The following RIMS2 variants were observed in gnomAD, a reference collection of about 807,000 sequenced individuals.
RIMS2 encodes the protein regulating synaptic membrane exocytosis protein 2.
A neutral mutation model predicts 174.4 loss-of-function variants in RIMS2; 59 were observed. The ratio of observed to expected loss-of-function variants is 0.34; its 90% CI spans 0.27 to 0.42. The LOEUF is 0.42. Ranked by LOEUF, RIMS2 falls within the 10% of genes least tolerant of loss-of-function variation. The pLI, the probability that RIMS2 is intolerant of heterozygous loss-of-function variation, is 1.00. For synonymous variants in RIMS2, 606 were observed against 572.5 expected, an observed-to-expected ratio of 1.06 and a Z score of -0.84; for missense variants, 1,620 against 1,666.3, an observed-to-expected ratio of 0.97 and a Z score of 0.48.
rs546690308 is a variant in RIMS2 at position 104,245,144 on chromosome 8, T to C, written c.3476+87T>C. On this transcript the variant is annotated intron_variant, in intron 20 of 23. Coordinates refer to ENST00000504942, the Ensembl canonical transcript of RIMS2. The stretch of plus-strand genomic sequence containing the variant: ...TTTCACAGAGATTTTCCAACTCTCA[T>C]GCTCTTCAGAACCACTTTAATTTTC... 1.4e-5 allele frequency: 19 copies of C among 1,357,848 alleles called. No homozygotes were observed. The African/African-American group carries it at 2.2e-4, about 15-fold the overall frequency. 84.1% of individuals were successfully genotyped at this position (1,357,848 alleles called of 1,614,324 possible).
At chr8:103,832,168 T>G (rs1026716664) in intron 3 of RIMS2, among the ~76,000 whole-genome samples, 5 of 152,242 alleles carry the variant, frequency 3.3e-5, no homozygotes, top group African/African-American at 4.8e-5. Flanking sequence ...TAATATAAAA[T>G]GTATCTTTTA....
In RIMS2 at chr8:103,749,279, C is replaced by T. The variant is rs558743955; in HGVS notation, c.388-16948C>T. ...GGCATCCGCCAGCACGCCCGGCTAA[C>T]TTTTTTGTATTTTTAGTAGAAACGG... On this transcript the variant is annotated intron_variant, in intron 2 of 23. Coordinates refer to ENST00000504942, the Ensembl canonical transcript of RIMS2. 6.2e-3 allele frequency among the ~76,000 whole-genome samples: 938 copies of T among 151,272 alleles called. 18 individuals are homozygous for T. Among genetic ancestry groups the T allele is most frequent in the African/African-American group, 0.022 (889 of 41,182 alleles).
intron 19 of RIMS2, among the ~76,000 whole-genome samples, chr8:104,229,411 A>G (rs1377280829): frequency 1.3e-5 from 2 of 152,202 alleles, no homozygotes; most frequent in African/African-American, 4.8e-5. Flanking sequence ...CAAAAATGAT[A>G]GTATCATTCT....
chr8:104,158,193 C>A (rs527819852), intron 19 of RIMS2, among the ~76,000 whole-genome samples: 1 of 152,214 alleles, frequency 6.6e-6, no homozygotes, highest in East Asian at 1.9e-4. Context: ...TGATGGTTTC[C>A]AGCTTCATCC....
intron 19 of RIMS2, among the ~76,000 whole-genome samples, chr8:104,118,085 G>A (rs1335955997): frequency 6.6e-6 from 1 of 151,996 alleles, no homozygotes; most frequent in Non-Finnish European, 1.5e-5. Flanking sequence ...TTATGAGAAG[G>A]GAGTAAAAAT....
At chr8:103,839,469 C>T (rs2098926658) in intron 3 of RIMS2, among the ~76,000 whole-genome samples, 1 of 151,952 alleles carries the variant, frequency 6.6e-6, no homozygotes, top group African/African-American at 2.4e-5. Flanking sequence ...TGTCATAGGG[C>T]ACAGCCCTTA....
chr8:103,579,708 A>G (rs534971584), intron 1 of RIMS2, among the ~76,000 whole-genome samples: 7 of 152,240 alleles, frequency 4.6e-5, no homozygotes, highest in African/African-American at 1.7e-4. Context: ...ATATAATACC[A>G]GAAGCGTTGC....
chr8:103,546,046 T>A (rs1441874180), intron 1 of RIMS2, among the ~76,000 whole-genome samples: 1 of 152,040 alleles, frequency 6.6e-6, no homozygotes, highest in African/African-American at 2.4e-5. Context: ...TAACCTGGAA[T>A]GTAAACAAGC....
At chr8:104,238,060 C>T (rs1289682616) in intron 19 of RIMS2, among the ~76,000 whole-genome samples, 2 of 152,070 alleles carry the variant, frequency 1.3e-5, no homozygotes, top group African/African-American at 2.4e-5. Flanking sequence ...AAATGCCCGT[C>T]AATGATAGAC....
At chr8:103,704,834 A>G (rs2097206429) in intron 2 of RIMS2, among the ~76,000 whole-genome samples, 1 of 151,350 alleles carries the variant, frequency 6.6e-6, no homozygotes, top group African/African-American at 2.4e-5. Context: ...TTTATCTCTG[A>G]TTTTATTTAT....
chr8:103,881,766 G>A (rs118060622), intron 3 of RIMS2, among the ~76,000 whole-genome samples: 2,349 of 151,508 alleles, frequency 0.016, 28 homozygotes, highest in Non-Finnish European at 0.025. Flanking sequence ...TTTAAAATGT[G>A]GTTTTCTATA....
At chr8:103,708,999 T>A (rs545615299) in intron 2 of RIMS2, among the ~76,000 whole-genome samples, 2 of 152,320 alleles carry the variant, frequency 1.3e-5, no homozygotes, top group South Asian at 4.1e-4. Flanking sequence ...TTTTATTTTG[T>A]ATTCTTTATA....
At chr8:104,065,873 G>A (rs548089644) in intron 19 of RIMS2, among the ~76,000 whole-genome samples, 1 of 152,220 alleles carries the variant, frequency 6.6e-6, no homozygotes, top group East Asian at 1.9e-4. Flanking sequence ...TGGTTAGAAA[G>A]CTCTATTTGC....
intron 9 of RIMS2, among the ~76,000 whole-genome samples, chr8:103,920,337 A>G (rs1390822022): frequency 1.3e-5 from 2 of 152,040 alleles, no homozygotes; most frequent in African/African-American, 2.4e-5. Flanking sequence ...CAAAGAATAC[A>G]TTCTGTTGTG....
Position 103,964,036 on chromosome 8 carries a change from T to C in RIMS2, c.2770+2903T>C, listed in dbSNP as rs143950135. Among the ~76,000 whole-genome samples, 1,157 of 152,338 alleles carry C rather than the reference T, an allele frequency of 7.6e-3. 17 individuals carry two copies. Among genetic ancestry groups the C allele is most frequent in the South Asian group, 0.046 (223 of 4,830 alleles). ...TTTTTAGTGCTGAATAATATTCCAT[T>C]GTCTGGATATACCACAGTTTGTTTA... On this transcript the variant is annotated intron_variant, in intron 15 of 23. Coordinates refer to ENST00000504942, the Ensembl canonical transcript of RIMS2.
chr8:103,549,933 C>T (rs1846930928), intron 1 of RIMS2, among the ~76,000 whole-genome samples: 1 of 150,768 alleles, frequency 6.6e-6, no homozygotes, highest in African/African-American at 2.4e-5. Flanking sequence ...ATCCTAAATG[C>T]AGGAGCACCC....
At chr8:103,665,142 G>A (rs1204926325) in intron 1 of RIMS2, among the ~76,000 whole-genome samples, 2 of 152,216 alleles carry the variant, frequency 1.3e-5, no homozygotes, top group East Asian at 1.9e-4. Flanking sequence ...GGGAGCCTGG[G>A]GGAGGGATAG....
chr8:104,022,382 C>CT (rs1175037102), intron 19 of RIMS2, among the ~76,000 whole-genome samples: 2 of 140,438 alleles, frequency 1.4e-5, no homozygotes, highest in African/African-American at 2.8e-5. Flanking sequence ...AGATTTCTCT[C>CT]TTTTTTTGTT....
At chr8:104,155,693 A>C (rs2098719438) in intron 19 of RIMS2, among the ~76,000 whole-genome samples, 1 of 152,060 alleles carries the variant, frequency 6.6e-6, no homozygotes, top group Admixed American at 6.6e-5. Flanking sequence ...GATTACAGGC[A>C]TGAGCCACTG....
Sources: allele counts gnomAD v4.1 joint callset (sites outside exome capture counted in the v4.1 genomes callset), GRCh38; gene constraint gnomAD v4.1.1; transcripts MANE v1.5; gene names NCBI Gene and HGNC (gene_info 2026-07-23, HGNC 2026-07-21).